POTEJ: variants seen among roughly 807,000 people sequenced by gnomAD.
POTEJ encodes the protein POTE ankyrin domain family member J.
Under a neutral mutation model 69.0 loss-of-function variants are expected in POTEJ, and 11 were observed. That is an observed-to-expected ratio of 0.16 (90% confidence interval 0.10 to 0.26). The LOEUF is 0.26. POTEJ is among the 10% of genes least tolerant of loss of function. The probability of loss-of-function intolerance (pLI) is 1.00; values close to 1 mark genes in which losing one functional copy is unlikely to be tolerated. For synonymous variants in POTEJ, 117 were observed against 381.1 expected (o/e 0.31, Z 8.07); for missense variants, 327 against 1,045.5 (o/e 0.31, Z 9.48).
At chr2:130,611,279 G>T (rs987177389), upstream of POTEJ, among the ~76,000 whole-genome samples, 3 of 137,252 alleles carry the variant, frequency 2.2e-5, no homozygotes, top group Admixed American at 1.5e-4. Flanking sequence ...GCATTCCCTT[G>T]GGTGGGCTGG....
chr2:130,655,577 A>G (rs1418999255), intron 14 of POTEJ, among the ~76,000 whole-genome samples: 1 of 152,214 alleles, frequency 6.6e-6, no homozygotes, highest in Non-Finnish European at 1.5e-5. Context: ...TAATTTATTG[A>G]TAAGTATTTT....
At chr2:130,656,434 T>G (rs1367951579) in intron 14 of POTEJ, 115 bp from the exon 15 acceptor site, 2 of 1,372,498 alleles carry the variant, frequency 1.5e-6, no homozygotes, top group African/African-American at 3.2e-5. Context: ...TCCAGTTAAA[T>G]ATCCACTATG....
At chr2:130,612,734 G>A (rs1322016482) in intron 1 of POTEJ, among the ~76,000 whole-genome samples, 1 of 127,612 alleles carries the variant, frequency 7.8e-6, no homozygotes, top group Non-Finnish European at 1.6e-5. Context: ...CCGCACTCCA[G>A]CCTGGGAGAC....
At chr2:130,646,527 A>C (rs1028664836) in intron 13 of POTEJ, among the ~76,000 whole-genome samples, 15 of 138,272 alleles carry the variant, frequency 1.1e-4, no homozygotes, top group Non-Finnish European at 2.0e-4. Flanking sequence ...AATGTGAGGG[A>C]AAAGGCATTT....
chr2:130,644,699 A>ACT (rs1686523081), intron 11 of POTEJ, among the ~76,000 whole-genome samples: 1 of 141,648 alleles, frequency 7.1e-6, no homozygotes, highest in Admixed American at 7.1e-5. Flanking sequence ...AAATTTCAGA[A>ACT]CTTTGTTTGT....
In POTEJ at chr2:130,655,180, G is replaced by A. The variant is rs1253055760; in HGVS notation, c.1788+139G>A. The A allele has an allele frequency of 2.2e-5, 22 of 1,016,396 alleles. No homozygotes were observed. The East Asian group carries it at 2.3e-4, about 11-fold the overall frequency. The allele number at this position is 1,016,396 out of a possible 1,614,324, so 63.0% of individuals were successfully genotyped here. ...TATCCTTTGTCATATATCTATATACGTACATATAGGATAAAGCCATGTTCT... is the reference window on the plus strand; with the variant it reads ...TATCCTTTGTCATATATCTATATACATACATATAGGATAAAGCCATGTTCT... On this transcript the variant is annotated intron_variant, in intron 14 of 14. Transcript: ENST00000409602.
chr2:130,645,673 T>C (rs965941840), intron 11 of POTEJ, 64 bp from the exon 12 acceptor site: 14 of 329,636 alleles, frequency 4.2e-5, no homozygotes, highest in Non-Finnish European at 7.7e-5. Context: ...AAACATGCAC[T>C]CCAAAAGAGG....
At position 130,623,949 on chromosome 2, in the gene POTEJ, T is replaced by C. The variant is rs1685613374; in HGVS notation, c.945-115T>C. 2 of 907,876 alleles carry C rather than the reference T, an allele frequency of 2.2e-6. 1 individual carries two copies. Among genetic ancestry groups the C allele is most frequent in the African/African-American group, 4.4e-5 (2 of 45,290 alleles). 56.2% of individuals were successfully genotyped at this position (907,876 alleles called of 1,614,324 possible). A position where few individuals can be genotyped will look rare whatever the true frequency, so the allele number is the denominator to read the frequency against. On this transcript the variant is annotated intron_variant, in intron 5 of 14. Transcript: ENST00000409602. ...TACTCATAAGTGGATGGGATAATAC[T>C]ATTAAGTTCTGATATTCTGATATTG...
Position 130,611,677 on chromosome 2 carries a change from C to G in POTEJ, c.145C>G (p.Gln49Glu). The G allele has an allele frequency of 1.5e-6, 2 of 1,318,128 alleles. No individual in the cohort carries two copies. The allele number at this position is 1,318,128 out of a possible 1,614,324, so 81.7% of individuals were successfully genotyped here. A position where few individuals can be genotyped will look rare whatever the true frequency, so the allele number is the denominator to read the frequency against. Residue 49 changes from glutamine to glutamate, a missense_variant, in exon 1 of 15, where the codon CAG (glutamine) becomes GAG (glutamate). Transcript: ENST00000409602. ...GKSNVGTSGD[Q>E]DDSTMKTLRS... ...GAGCAACGTGGGCACTTCTGGAGAC[C>G]AGGACGACTCCACTATGAAGACACT... is the stretch of plus-strand genomic sequence containing the variant.
chr2:130,657,453 C>G lies in POTEJ; in HGVS notation c.2693C>G (p.Ser898Cys). 6.3e-7 allele frequency: 1 copy of G among 1,593,600 alleles called. No individual in the cohort carries two copies. Among genetic ancestry groups the G allele is most frequent in the Non-Finnish European group, 8.6e-7 (1 of 1,166,774 alleles). Residue 898 changes from serine (S) to cysteine (C), a missense_variant, in exon 15 of 15, where the codon TCC becomes TGC. Coordinates refer to ENST00000409602, the MANE Select transcript of POTEJ (RefSeq NM_001277083.2). ...ATGGCCATGGTGGCCTCCAGCTCCT[C>G]CCTAGAGAAGAGCTACGAGCTGCCC... ...QEMAMVASSS[S>C]LEKSYELPDG...
chr2:130,639,116 GC>G (rs1686229199), intron 10 of POTEJ, among the ~76,000 whole-genome samples: 1 of 152,104 alleles, frequency 6.6e-6, no homozygotes, highest in Non-Finnish European at 1.5e-5. Flanking sequence ...TGCAATATGA[GC>G]CATAAGGAGT....
At chr2:130,642,250 C>T (rs555466553) in intron 10 of POTEJ, among the ~76,000 whole-genome samples, 269 of 123,006 alleles carry the variant, frequency 2.2e-3, no homozygotes, top group African/African-American at 8.4e-3. Context: ...AGAGTGAGTA[C>T]CAGGATTATA....
At chr2:130,649,970 C>T (rs1255149327) in intron 13 of POTEJ, among the ~76,000 whole-genome samples, 1 of 152,122 alleles carries the variant, frequency 6.6e-6, no homozygotes, top group Non-Finnish European at 1.5e-5. Flanking sequence ...GAACCATGTA[C>T]CAGCACAATT....
At chr2:130,641,071 T>C (rs1421014745) in intron 10 of POTEJ, among the ~76,000 whole-genome samples, 1 of 152,090 alleles carries the variant, frequency 6.6e-6, no homozygotes, top group African/African-American at 2.4e-5. Context: ...CGTGCTGTTG[T>C]CTGCTGTTGT....
chr2:130,636,479 A>AG (rs1275882050), intron 9 of POTEJ, among the ~76,000 whole-genome samples: 4 of 145,508 alleles, frequency 2.7e-5, no homozygotes, highest in African/African-American at 1.0e-4. Flanking sequence ...TTTTTGTATT[A>AG]GAAAAAAAAA....
At chr2:130,655,389 A>G (rs1396654745) in intron 14 of POTEJ, among the ~76,000 whole-genome samples, 9 of 152,198 alleles carry the variant, frequency 5.9e-5, no homozygotes. Flanking sequence ...GTTAATAGAG[A>G]AGTCAATTGA....
intron 13 of POTEJ, among the ~76,000 whole-genome samples, chr2:130,648,004 C>A (rs1292582043): frequency 6.8e-6 from 1 of 147,506 alleles, no homozygotes; most frequent in Non-Finnish European, 1.5e-5. Context: ...TTCTGCATTT[C>A]TCCCACTTTA....
chr2:130,634,962 T>C (rs1176074977), intron 9 of POTEJ, among the ~76,000 whole-genome samples: 1 of 152,188 alleles, frequency 6.6e-6, no homozygotes, highest in African/African-American at 2.4e-5. Flanking sequence ...TTTTATTTAA[T>C]CTGTCAGCAA....
intron 11 of POTEJ, among the ~76,000 whole-genome samples, chr2:130,644,416 G>A (rs1686508618): frequency 6.6e-6 from 1 of 151,820 alleles, no homozygotes; most frequent in Non-Finnish European, 1.5e-5. Context: ...CTTGCAGTGA[G>A]CCGACATCCA....
Sources: allele counts gnomAD v4.1 joint callset (sites outside exome capture counted in the v4.1 genomes callset), GRCh38; gene constraint gnomAD v4.1.1; transcripts MANE v1.5; gene names NCBI Gene and HGNC (gene_info 2026-07-23, HGNC 2026-07-21).